The following LTAP1 variants were observed in gnomAD, a reference collection of about 807,000 sequenced individuals.
LTAP1 encodes the protein HCV NS5A-transactivated protein 4.
At chr1:154,220,327 G>A in the LTAP1 span, 1 of 1,613,598 alleles carries the variant, frequency 6.2e-7, no homozygotes, top group Non-Finnish European at 8.5e-7. Context: ...GAATGGGGTG[G>A]GGTAATCTCC....
chr1:154,214,893 G>A, the LTAP1 span, among the ~76,000 whole-genome samples: 1 of 148,934 alleles, frequency 6.7e-6, no homozygotes, highest in Non-Finnish European at 1.5e-5. Flanking sequence ...CACCCAGGCT[G>A]GAGTGCAGTG....
the LTAP1 span, among the ~76,000 whole-genome samples, chr1:154,210,171 T>C: frequency 1.8e-4 from 27 of 152,226 alleles, no homozygotes; most frequent in Non-Finnish European, 1.3e-4. Flanking sequence ...CTGGAATAGC[T>C]GGGATTACAG....
chr1:154,220,102 G>A, the LTAP1 span: 2 of 726,066 alleles, frequency 2.8e-6, no homozygotes, highest in South Asian at 3.7e-5. Flanking sequence ...GTGGATCTAA[G>A]AAGCCAGCAG....
At chr1:154,215,010 A>G in the LTAP1 span, among the ~76,000 whole-genome samples, 3 of 151,814 alleles carry the variant, frequency 2.0e-5, no homozygotes, top group Non-Finnish European at 4.4e-5. Flanking sequence ...ATGTCTGGCT[A>G]ATTTTTCTAT....
chr1:154,219,842 G>T, the LTAP1 span: 1 of 1,606,032 alleles, frequency 6.2e-7, no homozygotes, highest in African/African-American at 1.3e-5. Flanking sequence ...CTACCTTGGG[G>T]GCATTGTGTC....
the LTAP1 span, among the ~76,000 whole-genome samples, chr1:154,211,439 C>T: frequency 2.3e-5 from 3 of 129,860 alleles, no homozygotes; most frequent in South Asian, 2.5e-4. Context: ...TGGGGTCAAG[C>T]GATTCTCCTG....
chr1:154,215,947 C>A, the LTAP1 span, among the ~76,000 whole-genome samples: 2 of 151,780 alleles, frequency 1.3e-5, no homozygotes, highest in Non-Finnish European at 2.9e-5. Flanking sequence ...ACGCCATTCT[C>A]CTGCCTCAGC....
the LTAP1 span, chr1:154,219,970 A>C: frequency 6.5e-7 from 1 of 1,532,478 alleles, no homozygotes; most frequent in Non-Finnish European, 8.8e-7. Flanking sequence ...CCTTTAATAA[A>C]AAGTCAGTTT....
At chr1:154,211,321 ATTC>A in the LTAP1 span, among the ~76,000 whole-genome samples, 2 of 92,864 alleles carry the variant, frequency 2.2e-5, no homozygotes, top group African/African-American at 9.3e-5. Flanking sequence ...ATGTTATTTA[ATTC>A]TTTTTTTTTT....
chr1:154,217,483 A>G, the LTAP1 span, among the ~76,000 whole-genome samples: 1 of 152,064 alleles, frequency 6.6e-6, no homozygotes, highest in Non-Finnish European at 1.5e-5. Flanking sequence ...GTGGAAGCAC[A>G]TGGTACATAT....
At chr1:154,219,096 T>C in the LTAP1 span, among the ~76,000 whole-genome samples, 1 of 152,192 alleles carries the variant, frequency 6.6e-6, no homozygotes, top group Admixed American at 6.5e-5. Flanking sequence ...AGGTGTCTTT[T>C]ACTTAGAAGC....
the LTAP1 span, chr1:154,214,700 T>A: frequency 3.2e-6 from 2 of 626,448 alleles, no homozygotes; most frequent in Non-Finnish European, 5.5e-6. Flanking sequence ...ATGTAGTTAA[T>A]AAAATTACCA....
chr1:154,212,018 G>A, the LTAP1 span: 8 of 303,394 alleles, frequency 2.6e-5, no homozygotes, highest in Middle Eastern at 1.2e-3. Flanking sequence ...CACCACGCCC[G>A]GCTAATTTTG....
the LTAP1 span, chr1:154,212,693 C>T: frequency 6.4e-7 from 1 of 1,564,340 alleles, no homozygotes; most frequent in Non-Finnish European, 8.7e-7. Flanking sequence ...TGGAGTCTCG[C>T]TCTGTCACCC....
At chr1:154,214,648 A>C in the LTAP1 span, 1 of 890,268 alleles carries the variant, frequency 1.1e-6, no homozygotes, top group Admixed American at 2.0e-5. Flanking sequence ...AATGGGGCAG[A>C]GTTAATGAAT....
the LTAP1 span, among the ~76,000 whole-genome samples, chr1:154,217,811 A>G: frequency 1.3e-5 from 2 of 151,772 alleles, no homozygotes; most frequent in South Asian, 2.1e-4. Context: ...TGCCCGGCCC[A>G]CTCAGCATGT....
At chr1:154,213,660 G>C in the LTAP1 span, among the ~76,000 whole-genome samples, 5 of 152,150 alleles carry the variant, frequency 3.3e-5, no homozygotes, top group Admixed American at 2.6e-4. Flanking sequence ...TGAAACTAAA[G>C]GTCTCAAGAG....
the LTAP1 span, chr1:154,219,768 G>C: frequency 8.6e-7 from 1 of 1,160,138 alleles, no homozygotes; most frequent in Non-Finnish European, 1.2e-6. Flanking sequence ...ACTAAAGGCA[G>C]AGGAAATCTC....
the LTAP1 span, among the ~76,000 whole-genome samples, chr1:154,218,329 T>C: frequency 5.3e-5 from 8 of 152,170 alleles, no homozygotes; most frequent in African/African-American, 1.9e-4. Flanking sequence ...CTAGCAATGG[T>C]TGAGAATTTA....
Sources: gnomAD v4.1 joint callset for allele counts (sites outside exome capture counted in the v4.1 genomes callset) on GRCh38, gnomAD v4.1.1 for gene constraint, MANE v1.5 for transcripts, NCBI Gene and HGNC (gene_info 2026-07-23, HGNC 2026-07-21) for gene names.